Variants in ULK1 observed in about 807,000 individuals in gnomAD.
ULK1 encodes serine/threonine-protein kinase ULK1.
In ULK1, 48 loss-of-function variants were observed where a neutral mutation model predicts 117.5. The ratio of observed to expected loss-of-function variants is 0.41; its 90% CI spans 0.32 to 0.52. The LOEUF (loss-of-function observed/expected upper bound fraction) is 0.52, where lower values mean the gene tolerates loss of function less well. Ranked by LOEUF, ULK1 falls within the 20% of genes least tolerant of loss-of-function variation. The pLI, the probability that ULK1 is intolerant of heterozygous loss-of-function variation, is 0.29. For missense variants in ULK1, 1,387 were observed against 1,473.4 expected (o/e 0.94, Z 0.96); for synonymous variants, 790 against 637.8 (o/e 1.24, Z -3.60).
In ULK1 at chr12:131,908,888, T is replaced by C; in HGVS notation, c.491-10T>C. 6.2e-7 allele frequency: 1 copy of C among 1,609,948 alleles called. No individual in the cohort carries two copies. Among genetic ancestry groups the C allele is most frequent in the South Asian group, 1.1e-5 (1 of 91,080 alleles). ...GGGCCGGCGCCGGTCCTGACGCTTC[T>C]CTCCCGCAGCTGACTTCGGCTTCGC... On this transcript the variant is annotated splice_polypyrimidine_tract_variant and intron_variant, in intron 6 of 27. Coordinates refer to ENST00000321867, the MANE Select transcript of ULK1 (RefSeq NM_003565.4).
chr12:131,919,831 G>C (rs1289925581), intron 25 of ULK1, 148 bp from the exon 26 acceptor site: 1 of 1,246,580 alleles, frequency 8.0e-7, no homozygotes. Flanking sequence ...AAGGTGCGGA[G>C]CCTGGCCACA....
chr12:131,897,934 C>G (rs1888939877), intron 3 of ULK1: 1 of 152,218 alleles, frequency 6.6e-6, no homozygotes, highest in African/African-American at 2.4e-5. Context: ...AAGTTTACCC[C>G]TCTCTGTTAG....
chr12:131,895,912 A>G (rs974963724), intron 3 of ULK1, 88 bp downstream of exon 3: 64 of 1,555,426 alleles, frequency 4.1e-5, no homozygotes, highest in Non-Finnish European at 5.5e-5. Flanking sequence ...ACTGGTGTTG[A>G]GCCTGTCCAG....
chr12:131,920,185 C>T (rs1363363919), intron 26 of ULK1, 49 bp downstream of exon 26: 1 of 1,588,910 alleles, frequency 6.3e-7, no homozygotes, highest in Non-Finnish European at 8.6e-7. Flanking sequence ...AACTTCCAGG[C>T]CCGCCGTCTC....
Position 131,921,856 on chromosome 12 carries a change from CA to C in ULK1, c.*496del, listed in dbSNP as rs1566132562. The stretch of plus-strand genomic sequence containing the variant: ...CCCAAGCACTTTATGCATATAGAGA[CA>C]GAACCTGGACCTCACCAGGGACTGC... On this transcript the variant is annotated 3_prime_UTR_variant, in exon 28 of 28. Transcript: ENST00000321867. The C allele has an allele frequency of 2.2e-6, 1 of 461,244 alleles. No individual in the cohort carries two copies. The highest frequency in any genetic ancestry group is 2.3e-5 in the Admixed American group (1 of 42,684). 28.6% of individuals were successfully genotyped at this position (461,244 alleles called of 1,614,324 possible). A position where few individuals can be genotyped will look rare whatever the true frequency, so the allele number is the denominator to read the frequency against.
chr12:131,919,898 A>C (rs985880305), intron 25 of ULK1, 81 bp from the exon 26 acceptor site: 1 of 1,543,324 alleles, frequency 6.5e-7, no homozygotes, highest in Non-Finnish European at 8.8e-7. Context: ...GTGCTCGCTC[A>C]GTGCACCGGG....
rs768042441 is a variant in ULK1, at chr12:131,912,065, G to A, written c.1072G>A (p.Val358Ile). 28 of 1,612,488 alleles carry A rather than the reference G, an allele frequency of 1.7e-5. No homozygotes were observed. The South Asian group carries it at 1.8e-4, about 10-fold the overall frequency. Residue 358 changes from valine to isoleucine, a missense_variant, in exon 13 of 28, where the codon GTC (valine) becomes ATC (isoleucine). Around this residue, in one of 4 missense-constraint regions of ULK1, gnomAD observed 260 missense variants for 271.6 expected, o/e 0.96. Transcript: ENST00000321867. ...KDSSCDTDDF[V>I]MVPAQFPGDL... ...CTCTTCCTGTGACACAGACGACTTCGTCATGGTCCCCGCGCAGTTTCCAGG... is the reference window on the plus strand; with the variant it reads ...CTCTTCCTGTGACACAGACGACTTCATCATGGTCCCCGCGCAGTTTCCAGG...
At chr12:131,896,699 G>A (rs1461656720) in intron 3 of ULK1, 1 of 152,464 alleles carries the variant, frequency 6.6e-6, no homozygotes, top group Non-Finnish European at 1.5e-5. Flanking sequence ...GTGTCCTGGA[G>A]CTGGGCCATC....
chr12:131,908,099 G>A (rs1331024324), intron 5 of ULK1, among the ~76,000 whole-genome samples: 1 of 152,088 alleles, frequency 6.6e-6, no homozygotes, highest in South Asian at 2.1e-4. Flanking sequence ...CCCGGGAGCC[G>A]GCAGGACTGC....
At chr12:131,916,863 C>T (rs1037386044) in intron 20 of ULK1, 90 bp from the exon 21 acceptor site, 33 of 1,212,894 alleles carry the variant, frequency 2.7e-5, no homozygotes, top group Non-Finnish European at 4.6e-6. Flanking sequence ...GACCGTGCAT[C>T]ATGTGTGTCT....
rs753078210 is a variant in ULK1 at position 131,912,034 on chromosome 12, C to T, written c.1041C>T (p.Ser347=). The T allele has an allele frequency of 1.1e-5, 18 of 1,612,758 alleles. No individual in the cohort carries two copies. The highest frequency in any genetic ancestry group is 1.5e-5 in the Non-Finnish European group (18 of 1,179,972). The change falls in exon 13 of 28, where the codon AGC becomes AGT. Residue 347 remains serine (S), a synonymous_variant. Transcript: ENST00000321867. ...ACAGCTCCCGGGACTCTGGTGGCAG[C>T]AAGGACTCTTCCTGTGACACAGACG... ...FLHSSRDSGG[S]KDSSCDTDDF...
At chr12:131,915,772 A>G in intron 18 of ULK1, 119 bp from the exon 19 acceptor site, 1 of 1,415,434 alleles carries the variant, frequency 7.1e-7, no homozygotes, top group South Asian at 1.2e-5. Context: ...CCGTCTCAAC[A>G]AAAGAAAAAG....
chr12:131,917,584 C>G, intron 22 of ULK1, 30 bp downstream of exon 22: 1 of 1,363,198 alleles, frequency 7.3e-7, no homozygotes, highest in Non-Finnish European at 9.5e-7. Context: ...AAGCCCTGTC[C>G]CTTTTGGGGT....
At chr12:131,918,716 G>T in intron 23 of ULK1, 35 bp downstream of exon 23, 1 of 1,487,776 alleles carries the variant, frequency 6.7e-7, no homozygotes, top group Non-Finnish European at 9.0e-7. Context: ...TCCCATTCTG[G>T]CTGGAGGGTG....
intron 26 of ULK1, 44 bp downstream of exon 26, chr12:131,920,180 C>T: frequency 6.3e-7 from 1 of 1,593,262 alleles, no homozygotes; most frequent in Non-Finnish European, 8.6e-7. Context: ...CCAGGAACTT[C>T]CAGGCCCGCC....
chr12:131,896,009 A>G (rs1045750618), intron 3 of ULK1, among the ~76,000 whole-genome samples, 185 bp downstream of exon 3: 1 of 151,526 alleles, frequency 6.6e-6, no homozygotes, highest in Non-Finnish European at 1.5e-5. Flanking sequence ...CCCAGCTGTG[A>G]GACCGGGGAG....
chr12:131,913,893 T>A, intron 15 of ULK1, 57 bp downstream of exon 15: 4 of 1,384,368 alleles, frequency 2.9e-6, no homozygotes, highest in Non-Finnish European at 3.8e-6. Context: ...CGGCTGGAGG[T>A]TGGGCTTCCT....
chr12:131,918,674 T>C lies in ULK1; in HGVS notation c.2504T>C (p.Leu835Pro). The change falls in exon 23 of 28, where the codon CTC becomes CCC. Residue 835 changes from leucine to proline, a missense_variant. This residue lies in a region of ULK1 where 900 missense variants were observed against 858.9 expected (regional missense o/e 1.05). Coordinates refer to ENST00000321867, the MANE Select transcript of ULK1 (RefSeq NM_003565.4). The stretch of plus-strand genomic sequence containing the variant: ...GCCCCCGACCTCCCTGAGGAGACCC[T>C]CATGGAGGTGAGGGCTGGAGTGAGC... ...FEAPDLPEET[L>P]MEQEHTEILR... 2 of 1,593,392 alleles carry C rather than the reference T, an allele frequency of 1.3e-6. No homozygotes were observed. Among genetic ancestry groups the C allele is most frequent in the Non-Finnish European group, 1.7e-6 (2 of 1,170,700 alleles).
chr12:131,909,758 TGTCCCC>T lies in ULK1; in HGVS notation c.667-9_667-4del, dbSNP rs1471630947. 1 of 1,590,142 alleles carries T rather than the reference TGTCCCC, an allele frequency of 6.3e-7. No individual in the cohort carries two copies. Among genetic ancestry groups the T allele is most frequent in the African/African-American group, 1.3e-5 (1 of 74,078 alleles). On this transcript the variant is annotated splice_polypyrimidine_tract_variant and intron_variant, in intron 8 of 27. Transcript: ENST00000321867. ...TCGGCCGCAGCCCTGGCAGTCAGGC[TGTCCCC>T]GTCCCCGCAGGCCAGCAGCCCCCAG...
Sources: allele counts gnomAD v4.1 joint callset (sites outside exome capture counted in the v4.1 genomes callset), GRCh38; gene constraint gnomAD v4.1.1; regional missense constraint gnomAD v4.1.1; transcripts MANE v1.5; gene names NCBI Gene and HGNC (gene_info 2026-07-23, HGNC 2026-07-21).